The following FHIT variants were observed in gnomAD, a reference collection of about 807,000 sequenced individuals.
FHIT encodes bis(5'-adenosyl)-triphosphatase.
In FHIT, 19 loss-of-function variants were observed where a neutral mutation model predicts 17.9. The ratio of observed to expected loss-of-function variants is 1.06; its 90% confidence interval spans 0.74 to 1.56. The LOEUF (loss-of-function observed/expected upper bound fraction) is 1.56. FHIT is among the 40% of genes most tolerant of loss of function. The pLI is 0.00. For missense variants in FHIT, 248 were observed against 189.2 expected, an observed-to-expected ratio of 1.31 and a Z score of -1.82; for synonymous variants, 81 against 69.7, an observed-to-expected ratio of 1.16 and a Z score of -0.81.
intron 5 of FHIT, among the ~76,000 whole-genome samples, chr3:60,165,500 T>C (rs1701133782): frequency 6.6e-6 from 1 of 152,144 alleles, no homozygotes; most frequent in Admixed American, 6.5e-5. Flanking sequence ...TTGTCATAAG[T>C]GATGTTATTT....
chr3:59,751,871 AAG>A, intron 9 of FHIT: 1 of 224,896 alleles, frequency 4.4e-6, no homozygotes, highest in Non-Finnish European at 8.4e-6. Flanking sequence ...CCTTTAAGTT[AAG>A]TTGGGGTTGA....
intron 5 of FHIT, among the ~76,000 whole-genome samples, chr3:60,232,933 T>C (rs2107556164): frequency 6.6e-6 from 1 of 152,318 alleles, no homozygotes; most frequent in African/African-American, 2.4e-5. Context: ...GTGATAATGA[T>C]ACTATGGCTA....
intron 3 of FHIT, among the ~76,000 whole-genome samples, chr3:60,949,458 G>A (rs1228098228): frequency 2.6e-5 from 4 of 152,134 alleles, no homozygotes; most frequent in Non-Finnish European, 2.9e-5. Context: ...TTAGGCATGA[G>A]GGATTCTGAA....
At chr3:59,827,421 T>A (rs1476710639) in intron 8 of FHIT, among the ~76,000 whole-genome samples, 2 of 152,226 alleles carry the variant, frequency 1.3e-5, no homozygotes, top group Non-Finnish European at 2.9e-5. Flanking sequence ...TACAAAGTAC[T>A]GTGGTATAGG....
chr3:59,868,722 G>A (rs1248700412), intron 8 of FHIT, among the ~76,000 whole-genome samples: 1 of 152,146 alleles, frequency 6.6e-6, no homozygotes, highest in Admixed American at 6.5e-5. Context: ...CTGGGTATTG[G>A]GCTGACTTCC....
chr3:60,913,795 G>A (rs1286721026), intron 3 of FHIT, among the ~76,000 whole-genome samples: 1 of 152,126 alleles, frequency 6.6e-6, no homozygotes, highest in Non-Finnish European at 1.5e-5. Context: ...TTGGGGGCTG[G>A]CTGGGCCTCT....
chr3:60,102,414 G>A (rs891057626), intron 5 of FHIT, among the ~76,000 whole-genome samples: 5 of 152,164 alleles, frequency 3.3e-5, no homozygotes, highest in Non-Finnish European at 7.3e-5. Flanking sequence ...GCAACATGGG[G>A]CGAGTAAGCC....
intron 3 of FHIT, among the ~76,000 whole-genome samples, chr3:60,839,056 C>T (rs1325489448): frequency 6.6e-6 from 1 of 152,000 alleles, no homozygotes; most frequent in East Asian, 1.9e-4. Flanking sequence ...TTGGAACAAG[C>T]AAGAGATGCA....
At chr3:60,196,742 T>G (rs542264485) in intron 5 of FHIT, among the ~76,000 whole-genome samples, 1 of 152,088 alleles carries the variant, frequency 6.6e-6, no homozygotes, top group Admixed American at 6.6e-5. Context: ...ATTACACATA[T>G]ATACATGCAC....
chr3:60,402,581 T>C (rs982777113), intron 5 of FHIT, among the ~76,000 whole-genome samples: 3 of 152,288 alleles, frequency 2.0e-5, no homozygotes, highest in African/African-American at 7.2e-5. Flanking sequence ...TCTAATCATT[T>C]AATACCTATT....
At chr3:59,780,044 AC>A (rs1012908636) in intron 8 of FHIT, among the ~76,000 whole-genome samples, 17 of 152,186 alleles carry the variant, frequency 1.1e-4, no homozygotes, top group African/African-American at 3.9e-4. Flanking sequence ...AGTCCATTTT[AC>A]CCCTCTTCCC....
At chr3:60,443,191 T>G (rs2031047442) in intron 5 of FHIT, among the ~76,000 whole-genome samples, 1 of 152,208 alleles carries the variant, frequency 6.6e-6, no homozygotes, top group Admixed American at 6.5e-5. Flanking sequence ...GATGGGGTTT[T>G]CTAGATATAC....
At chr3:60,596,728 T>A (rs1209788397) in intron 4 of FHIT, among the ~76,000 whole-genome samples, 1 of 152,134 alleles carries the variant, frequency 6.6e-6, no homozygotes, top group Non-Finnish European at 1.5e-5. Flanking sequence ...ACTAGACACA[T>A]CTCAGGTAGA....
chr3:59,824,381 C>T (rs997501986), intron 8 of FHIT, among the ~76,000 whole-genome samples: 1 of 152,194 alleles, frequency 6.6e-6, no homozygotes, highest in Non-Finnish European at 1.5e-5. Context: ...GGCTTGGCAG[C>T]CTTGAGAACT....
At chr3:60,290,723 C>T (rs1707945502) in intron 5 of FHIT, among the ~76,000 whole-genome samples, 1 of 152,156 alleles carries the variant, frequency 6.6e-6, no homozygotes, top group Non-Finnish European at 1.5e-5. Flanking sequence ...GAGTCCTGTT[C>T]CAAATACTGA....
intron 5 of FHIT, among the ~76,000 whole-genome samples, chr3:60,057,607 G>C (rs369602104): frequency 1.4e-3 from 206 of 151,826 alleles, no homozygotes; most frequent in Middle Eastern, 6.8e-3. Flanking sequence ...GATAGACGTA[G>C]AAATTGACCT....
chr3:60,400,798 G>C (rs1701629602), intron 5 of FHIT, among the ~76,000 whole-genome samples: 1 of 152,144 alleles, frequency 6.6e-6, no homozygotes, highest in Non-Finnish European at 1.5e-5. Context: ...TGAAATCTCA[G>C]TGCGAAATCT....
At chr3:61,022,834 G>A (rs1227287495) in intron 3 of FHIT, among the ~76,000 whole-genome samples, 4 of 152,128 alleles carry the variant, frequency 2.6e-5, no homozygotes, top group African/African-American at 7.2e-5. Context: ...AGGTATTGAT[G>A]GAACAGATCT....
In FHIT at chr3:59,985,457, T is replaced by G. The variant is rs568094343; in HGVS notation, c.279+25914A>C. 1.8e-3 allele frequency among the ~76,000 whole-genome samples: 274 copies of G among 152,298 alleles called. 1 individual carries two copies. Among genetic ancestry groups the G allele is most frequent in the Admixed American group, 4.1e-3 (62 of 15,286 alleles). On this transcript the variant is annotated intron_variant, in intron 7 of 9. Coordinates refer to ENST00000492590, the MANE Select transcript of FHIT (RefSeq NM_002012.4). ...AACTACGTGGTCTAAGGACCAGTTA[T>G]CCCTATTCCAAAAAATAAAGTGTAA...
Sources: gnomAD v4.1 joint callset for allele counts (sites outside exome capture counted in the v4.1 genomes callset) on GRCh38, gnomAD v4.1.1 for gene constraint, MANE v1.5 for transcripts, NCBI Gene and HGNC (gene_info 2026-07-23, HGNC 2026-07-21) for gene names.